ZNF469: variants seen among roughly 807,000 people sequenced by gnomAD.
The protein encoded by ZNF469 is zinc finger protein 469.
ZNF469 carries 1 observed loss-of-function variant against 1.0 expected under a neutral mutation model. That is an observed-to-expected ratio of 1.00 (90% CI 0.35 to 4.73). ZNF469 has a LOEUF of 4.73. Ranked by LOEUF, ZNF469 falls within the 30% of genes most tolerant of loss-of-function variation. The pLI is 0.16. For synonymous variants in ZNF469, 2,703 were observed against 2,363.4 expected, an observed-to-expected ratio of 1.14 and a Z score of -4.17; for missense variants, 6,100 against 5,356.3, an observed-to-expected ratio of 1.14 and a Z score of -4.33.
At chr16:88,157,562 C>T in the ZNF469 span, among the ~76,000 whole-genome samples, 5 of 152,138 alleles carry the variant, frequency 3.3e-5, no homozygotes, top group African/African-American at 1.2e-4. Context: ...TCCGCCACCC[C>T]CTCCCAAGGC....
the ZNF469 span, among the ~76,000 whole-genome samples, chr16:88,225,382 T>C: frequency 1.3e-3 from 194 of 152,322 alleles, no homozygotes; most frequent in African/African-American, 4.2e-3. Flanking sequence ...CAAAATCTTA[T>C]AGAGTGCGAG....
At chr16:88,293,291 T>G in the ZNF469 span, among the ~76,000 whole-genome samples, 40 of 150,690 alleles carry the variant, frequency 2.7e-4, no homozygotes, top group African/African-American at 8.9e-4. Context: ...GGTGGACACG[T>G]GAGTGAATGG....
chr16:88,190,049 C>G, the ZNF469 span, among the ~76,000 whole-genome samples: 63 of 135,824 alleles, frequency 4.6e-4, no homozygotes, highest in African/African-American at 1.7e-3. Flanking sequence ...TTTTCTCTCT[C>G]TTGTTGCCTT....
At chr16:88,301,783 A>G in the ZNF469 span, among the ~76,000 whole-genome samples, 1 of 152,102 alleles carries the variant, frequency 6.6e-6, no homozygotes, top group Non-Finnish European at 1.5e-5. Context: ...GGTTACTGAG[A>G]AACAGGCCTC....
chr16:88,111,773 A>G, the ZNF469 span, among the ~76,000 whole-genome samples: 1 of 151,972 alleles, frequency 6.6e-6, no homozygotes, highest in African/African-American at 2.4e-5. Context: ...TGTAGCTGAG[A>G]CTACAGGTGC....
At chr16:88,343,556 G>T in the ZNF469 span, among the ~76,000 whole-genome samples, 1 of 152,122 alleles carries the variant, frequency 6.6e-6, no homozygotes, top group Non-Finnish European at 1.5e-5. Flanking sequence ...ATTTCCCAGG[G>T]TTCTGGAGAC....
the ZNF469 span, among the ~76,000 whole-genome samples, chr16:88,244,905 A>G: frequency 6.7e-6 from 1 of 149,948 alleles, no homozygotes; most frequent in East Asian, 2.0e-4. Context: ...TGCCAATGAC[A>G]AGAAGAGACC....
At chr16:88,170,729 G>C in the ZNF469 span, among the ~76,000 whole-genome samples, 1 of 152,250 alleles carries the variant, frequency 6.6e-6, no homozygotes, top group Non-Finnish European at 1.5e-5. The surrounding 1 kb of genome is among the most constrained non-coding windows in gnomAD (Gnocchi z 4.2). Flanking sequence ...TGTGAGCAGG[G>C]CCGACACGTC....
the ZNF469 span, among the ~76,000 whole-genome samples, chr16:88,310,234 C>G: frequency 6.6e-6 from 1 of 152,124 alleles, no homozygotes. Flanking sequence ...TGCTGACTTC[C>G]TCACCACCCC....
the ZNF469 span, among the ~76,000 whole-genome samples, chr16:88,243,953 A>ATATAG: frequency 2.6e-5 from 1 of 38,860 alleles, no homozygotes; most frequent in African/African-American, 7.6e-5. Flanking sequence ...TATATATATA[A>ATATAG]ATGTATGTGT....
upstream of ZNF469, among the ~76,000 whole-genome samples, chr16:88,382,726 T>C (rs974588365): frequency 1.3e-5 from 2 of 152,154 alleles, no homozygotes; most frequent in African/African-American, 4.8e-5. Flanking sequence ...GCAGACGTTT[T>C]TTAAGTTGTG....
chr16:88,404,515 G>A (rs1904973071), intron 1 of ZNF469, among the ~76,000 whole-genome samples: 1 of 152,248 alleles, frequency 6.6e-6, no homozygotes, highest in African/African-American at 2.4e-5. Context: ...AGAGGAAGGG[G>A]CAGCTGTCAT....
the ZNF469 span, among the ~76,000 whole-genome samples, chr16:88,108,756 C>T: frequency 6.6e-6 from 1 of 152,336 alleles, no homozygotes; most frequent in Non-Finnish European, 1.5e-5. Context: ...GAGGCTAGGT[C>T]ATCATGGGCA....
At chr16:88,179,170 C>A in the ZNF469 span, among the ~76,000 whole-genome samples, 3 of 152,250 alleles carry the variant, frequency 2.0e-5, no homozygotes, top group Non-Finnish European at 4.4e-5. Flanking sequence ...GGACGTGTGT[C>A]CCCTCCACAT....
At chr16:88,166,087 C>T in the ZNF469 span, among the ~76,000 whole-genome samples, 1 of 152,274 alleles carries the variant, frequency 6.6e-6, no homozygotes, top group African/African-American at 2.4e-5. This position sits in a 1 kb window ranked among gnomAD's most constrained non-coding sequence, Gnocchi z 4.5. Context: ...ACGGTCACTG[C>T]GTGTAGAGTG....
At chr16:88,229,395 A>G in the ZNF469 span, among the ~76,000 whole-genome samples, 113,648 of 152,072 alleles carry the variant, frequency 0.75, 44,390 homozygotes, top group Middle Eastern at 0.88. Context: ...GGAGGACTTA[A>G]CGATGATCTG....
the ZNF469 span, among the ~76,000 whole-genome samples, chr16:88,315,619 G>A: frequency 6.6e-6 from 1 of 152,202 alleles, no homozygotes; most frequent in Non-Finnish European, 1.5e-5. Flanking sequence ...CCCAGAAGGA[G>A]GGTGGCCATC....
At chr16:88,195,373 T>C in the ZNF469 span, among the ~76,000 whole-genome samples, 1 of 152,190 alleles carries the variant, frequency 6.6e-6, no homozygotes, top group East Asian at 1.9e-4. Context: ...ATAGCTGTGT[T>C]CGTGGGCCCC....
chr16:88,204,006 A>G, the ZNF469 span, among the ~76,000 whole-genome samples: 3 of 151,742 alleles, frequency 2.0e-5, no homozygotes, highest in African/African-American at 7.3e-5. Flanking sequence ...CAGAGTGGCC[A>G]GAGGTGTCTC....
Sources: gnomAD v4.1 joint callset for allele counts (sites outside exome capture counted in the v4.1 genomes callset) on GRCh38, gnomAD v4.1.1 for gene constraint, Gnocchi (gnomAD v3.1) non-coding constraint, MANE v1.5 for transcripts, NCBI Gene and HGNC (gene_info 2026-07-23, HGNC 2026-07-21) for gene names.